Variants in CELF2 observed in about 807,000 individuals in gnomAD.
The protein encoded by CELF2 is CUG triplet repeat RNA-binding protein 2.
In CELF2, 8 loss-of-function variants were observed where a neutral mutation model predicts 62.6. The ratio of observed to expected loss-of-function variants is 0.13; its 90% confidence interval spans 0.07 to 0.23. The LOEUF (loss-of-function observed/expected upper bound fraction) is 0.23, where lower values mean the gene tolerates loss of function less well. Ranked by LOEUF, CELF2 falls within the 10% of genes least tolerant of loss-of-function variation. CELF2 has a pLI of 1.00. For missense variants in CELF2, 333 were observed against 671.0 expected, an observed-to-expected ratio of 0.50 and a Z score of 5.56; for synonymous variants, 258 against 250.0, an observed-to-expected ratio of 1.03 and a Z score of -0.30.
At chr10:10,778,387 T>A in the CELF2 span, among the ~76,000 whole-genome samples, 1 of 152,116 alleles carries the variant, frequency 6.6e-6, no homozygotes, top group Non-Finnish European at 1.5e-5. Context: ...CCTACAAAAC[T>A]TTGGCAAATT....
chr10:10,574,897 T>TTA, the CELF2 span, among the ~76,000 whole-genome samples: 73 of 138,384 alleles, frequency 5.3e-4, no homozygotes, highest in Non-Finnish European at 1.0e-3. Flanking sequence ...TTTTTTTTTT[T>TTA]AATAGAGATG....
intron 1 of CELF2, among the ~76,000 whole-genome samples, chr10:11,054,130 G>A (rs1315772041): frequency 6.6e-6 from 1 of 152,188 alleles, no homozygotes; most frequent in Non-Finnish European, 1.5e-5. Flanking sequence ...GTGAGATGTT[G>A]TTCATAAAAG....
chr10:10,729,580 C>A, the CELF2 span, among the ~76,000 whole-genome samples: 2 of 152,060 alleles, frequency 1.3e-5, no homozygotes, highest in Non-Finnish European at 2.9e-5. Flanking sequence ...ACACTCCAGC[C>A]TGGGCAACAG....
chr10:10,920,905 T>TAGA lies in CELF2; in HGVS notation c.89+908_89+910dup, dbSNP rs375993597. Reference sequence around the variant, plus strand: ...TATTTTGCTGGGCATTGAATGTATCTAGAATCTCTCCTGAGCACCAAGGAT... The same window carrying TAGA: ...TATTTTGCTGGGCATTGAATGTATCTAGAAGAATCTCTCCTGAGCACCAAGGAT... On this transcript the variant is annotated intron_variant, in intron 2 of 13. Coordinates refer to the CELF2 transcript ENST00000636488. 2.0e-3 allele frequency among the ~76,000 whole-genome samples: 307 copies of TAGA among 152,272 alleles called. 3 individuals are homozygous for TAGA. The highest frequency in any genetic ancestry group is 7.2e-3 in the African/African-American group (299 of 41,562).
chr10:10,772,008 A>G, the CELF2 span, among the ~76,000 whole-genome samples: 2 of 152,218 alleles, frequency 1.3e-5, no homozygotes, highest in African/African-American at 4.8e-5. Flanking sequence ...ATCTGAACGT[A>G]TATGAAAACC....
At chr10:10,881,713 T>C (rs2133687494) in intron 1 of CELF2, among the ~76,000 whole-genome samples, 1 of 151,880 alleles carries the variant, frequency 6.6e-6, no homozygotes, top group East Asian at 1.9e-4. Flanking sequence ...ACTGAAAGAG[T>C]CATCTCTCAG....
intron 2 of CELF2, among the ~76,000 whole-genome samples, chr10:11,183,348 G>C (rs2073997449): frequency 6.6e-6 from 1 of 152,150 alleles, no homozygotes; most frequent in Non-Finnish European, 1.5e-5. Flanking sequence ...CTCTCCTCTT[G>C]ATGAGCCTTT....
intron 1 of CELF2, among the ~76,000 whole-genome samples, chr10:10,892,333 T>G (rs1379564402): frequency 6.6e-6 from 1 of 152,076 alleles, no homozygotes; most frequent in Non-Finnish European, 1.5e-5. Flanking sequence ...GGGCCCAGGT[T>G]CCAGTGCTCT....
chr10:10,822,807 G>T (rs2057073947), intron 1 of CELF2, among the ~76,000 whole-genome samples: 1 of 152,240 alleles, frequency 6.6e-6, no homozygotes, highest in East Asian at 1.9e-4. Flanking sequence ...AAAGAAAATT[G>T]GATTATTTAC....
the CELF2 span, among the ~76,000 whole-genome samples, chr10:10,781,409 A>G: frequency 3.9e-5 from 6 of 152,218 alleles, no homozygotes; most frequent in Non-Finnish European, 8.8e-5. Context: ...AGGAGGTTTA[A>G]TGGACTCACA....
chr10:11,171,747 A>G (rs2068930491), intron 2 of CELF2, among the ~76,000 whole-genome samples: 1 of 152,180 alleles, frequency 6.6e-6, no homozygotes, highest in Non-Finnish European at 1.5e-5. Flanking sequence ...AATAATACCC[A>G]CTTCACAAGT....
chr10:11,278,110 C>A (rs886312862), intron 8 of CELF2, among the ~76,000 whole-genome samples: 10 of 151,226 alleles, frequency 6.6e-5, no homozygotes, highest in African/African-American at 2.4e-4. Flanking sequence ...AAAATAAAAC[C>A]AAAAAAAAGA....
chr10:10,646,113 G>T, the CELF2 span, among the ~76,000 whole-genome samples: 9 of 152,288 alleles, frequency 5.9e-5, no homozygotes, highest in African/African-American at 2.2e-4. Flanking sequence ...GCAGTTACTA[G>T]GCATGTGTTG....
intron 9 of CELF2, among the ~76,000 whole-genome samples, chr10:11,304,895 C>A (rs1452219194): frequency 6.6e-6 from 1 of 152,166 alleles, no homozygotes; most frequent in African/African-American, 2.4e-5. Flanking sequence ...GGGGGGTGAA[C>A]AGAGAACATA....
Position 11,247,153 on chromosome 10 carries a change from T to C in CELF2, c.355-2000T>C, listed in dbSNP as rs115557570. Reference sequence around the variant, plus strand: ...TCCACCCTCCACACGGCAGCCAAAATGGCTTTTCTAGAATTTCGATCTTGT... The same window carrying C: ...TCCACCCTCCACACGGCAGCCAAAACGGCTTTTCTAGAATTTCGATCTTGT... On this transcript the variant is annotated intron_variant, in intron 3 of 12. Coordinates refer to ENST00000633077, the MANE Select transcript of CELF2 (RefSeq NM_001326342.2). This position sits in a 1 kb window ranked among gnomAD's most constrained non-coding sequence, Gnocchi z 5.4. 0.015 allele frequency among the ~76,000 whole-genome samples: 2,224 copies of C among 152,328 alleles called. 47 individuals are homozygous for C. Among genetic ancestry groups the C allele is most frequent in the East Asian group, 0.066 (343 of 5,182 alleles).
At chr10:10,994,487 A>G (rs931412222) in intron 2 of CELF2, among the ~76,000 whole-genome samples, 4 of 152,218 alleles carry the variant, frequency 2.6e-5, no homozygotes, top group Non-Finnish European at 5.9e-5. Flanking sequence ...ACACAGCAGA[A>G]GGTGAGTGGC....
intron 3 of CELF2, among the ~76,000 whole-genome samples, chr10:11,233,541 A>G (rs2069718071): frequency 6.6e-6 from 1 of 152,222 alleles, no homozygotes; most frequent in Admixed American, 6.5e-5. Flanking sequence ...AGTATCTGCT[A>G]TTGAACAGAT....
At chr10:10,660,615 C>A in the CELF2 span, among the ~76,000 whole-genome samples, 1 of 152,216 alleles carries the variant, frequency 6.6e-6, no homozygotes, top group African/African-American at 2.4e-5. Context: ...TCACCTCATT[C>A]TTCAAGGCTG....
intron 1 of CELF2, among the ~76,000 whole-genome samples, chr10:11,161,441 TCA>T (rs2065708498): frequency 1.3e-5 from 2 of 152,250 alleles, no homozygotes; most frequent in Non-Finnish European, 2.9e-5. Context: ...GAAACCCAAC[TCA>T]TGGAACGTGA....
Sources: allele counts gnomAD v4.1 joint callset (sites outside exome capture counted in the v4.1 genomes callset), GRCh38; gene constraint gnomAD v4.1.1; non-coding constraint Gnocchi (gnomAD v3.1); transcripts MANE v1.5; gene names NCBI Gene and HGNC (gene_info 2026-07-23, HGNC 2026-07-21).